Variants in KNSTRN observed in about 807,000 individuals in gnomAD.
KNSTRN encodes the protein kinetochore localized astrin (SPAG5) binding protein, also known as small kinetochore-associated protein.
In KNSTRN, 38 loss-of-function variants were observed where a neutral mutation model predicts 44.7. The ratio of observed to expected loss-of-function variants is 0.85; its 90% CI spans 0.66 to 1.11. The LOEUF (loss-of-function observed/expected upper bound fraction) is 1.11. Ranked by LOEUF, KNSTRN falls within the 50% of genes most tolerant of loss-of-function variation. The probability of loss-of-function intolerance (pLI) is 0.00; values close to 1 mark genes in which losing one functional copy is unlikely to be tolerated. For missense variants in KNSTRN, 406 were observed against 375.8 expected (o/e 1.08, Z -0.66); for synonymous variants, 158 against 148.1 (o/e 1.07, Z -0.48).
At chr15:40,393,289 G>T (rs1006120600) in intron 8 of KNSTRN, 180 bp from the exon 9 acceptor site, 1 of 1,611,478 alleles carries the variant, frequency 6.2e-7, no homozygotes, top group Non-Finnish European at 8.5e-7. Context: ...CTACTAGAGG[G>T]ACAATTCCTA....
At chr15:40,391,631 A>G (rs1355691508) in intron 7 of KNSTRN, 77 bp downstream of exon 7, 4 of 1,202,800 alleles carry the variant, frequency 3.3e-6, no homozygotes, top group African/African-American at 3.0e-5. Context: ...TCTCTGCTAT[A>G]TATTCCATAA....
chr15:40,391,853 T>A lies in KNSTRN; in HGVS notation c.748-96T>A, dbSNP rs1398500629. ...TTTATCAAATTTCTCTCCTGACTCC[T>A]TTGTTGAGAACTGTGTGGAAAGGAT... On this transcript the variant is annotated intron_variant, in intron 7 of 8. Coordinates refer to ENST00000249776, the MANE Select transcript of KNSTRN (RefSeq NM_033286.4). 8.4e-6 allele frequency: 8 copies of A among 947,108 alleles called. No individual in the cohort carries two copies. The Admixed American group carries it at 1.9e-4, about 23-fold the overall frequency. The allele number at this position is 947,108 out of a possible 1,614,324, so 58.7% of individuals were successfully genotyped here.
At chr15:40,389,718 A>C in intron 5 of KNSTRN, 107 bp downstream of exon 5, 3 of 1,306,480 alleles carry the variant, frequency 2.3e-6, no homozygotes, top group Non-Finnish European at 2.2e-6. Flanking sequence ...ACAGATGCCC[A>C]AGGGCAGAAA....
intron 8 of KNSTRN, among the ~76,000 whole-genome samples, chr15:40,392,229 G>A (rs1217947078): frequency 1.3e-5 from 2 of 151,088 alleles, no homozygotes; most frequent in Non-Finnish European, 2.9e-5. Context: ...ACACGTACAG[G>A]GTGTGTAGGC....
At chr15:40,387,876 C>T (rs192560073) in intron 4 of KNSTRN, among the ~76,000 whole-genome samples, 5 of 152,132 alleles carry the variant, frequency 3.3e-5, no homozygotes, top group Non-Finnish European at 5.9e-5. Flanking sequence ...GGCATGGTGG[C>T]GCATGTCTGT....
intron 4 of KNSTRN, 175 bp from the exon 5 acceptor site, chr15:40,389,331 G>A: frequency 1.8e-6 from 1 of 565,694 alleles, no homozygotes; most frequent in Non-Finnish European, 3.2e-6. Flanking sequence ...TGTAATTTTA[G>A]TAGAGACAGG....
At position 40,390,881 on chromosome 15, in the gene KNSTRN, C is replaced by T. The variant is rs150595062; in HGVS notation, c.686-612C>T. Among the ~76,000 whole-genome samples the T allele has an allele frequency of 9.0e-3, 1,373 of 152,282 alleles. 14 individuals are homozygous for T. The highest frequency in any genetic ancestry group is 0.032 in the African/African-American group (1,317 of 41,554). On this transcript the variant is annotated intron_variant, in intron 6 of 8. Transcript: ENST00000249776. ...CTGCCTGTCTCGGCCTCCCAGAGTG[C>T]TGGGTTTACAGACATGAGTTACCAT...
In KNSTRN at chr15:40,383,246, C is replaced by T. The variant is rs745899073; in HGVS notation, c.228C>T (p.Leu76=). The T allele has an allele frequency of 6.2e-7, 1 of 1,614,070 alleles. No individual in the cohort carries two copies. The highest frequency in any genetic ancestry group is 8.5e-7 in the Non-Finnish European group (1 of 1,179,926). Residue 76 remains leucine (L), a synonymous_variant, in exon 2 of 9, where the codon CTC becomes CTT. Transcript: ENST00000249776. The part of the protein sequence containing the change: ...RRAPGVQPCR[L]VTMTSVVKTV... ...CTTCCAGGGTTCAGCCGTGCCGCCT[C>T]GTTACGATGACCAGTGTGGTTAAGA...
At position 40,382,789 on chromosome 15, in the gene KNSTRN, C is replaced by G. The variant is rs1182650705; in HGVS notation, c.-47C>G. The G allele has an allele frequency of 1.3e-6, 2 of 1,559,654 alleles. No homozygotes were observed. Among genetic ancestry groups the G allele is most frequent in the Non-Finnish European group, 1.7e-6 (2 of 1,146,200 alleles). ...TGCCCAGACCTGGGGGCTCCAACAC[C>G]TTTCGCTAGGTCTGGCTCTGGCCTC... is the stretch of plus-strand genomic sequence containing the variant. On this transcript the variant is annotated 5_prime_UTR_variant, in exon 1 of 9. Transcript: ENST00000249776.
intron 6 of KNSTRN, among the ~76,000 whole-genome samples, chr15:40,390,832 C>T (rs1048175874): frequency 1.3e-5 from 2 of 152,172 alleles, no homozygotes; most frequent in Admixed American, 6.5e-5. Context: ...TCAGGCTGGT[C>T]TCAAACTCCT....
In KNSTRN at chr15:40,384,416, C is replaced by T. The variant is rs1320962360; in HGVS notation, c.304+1094C>T. On this transcript the variant is annotated intron_variant, in intron 2 of 8. Coordinates refer to ENST00000249776, the MANE Select transcript of KNSTRN (RefSeq NM_033286.4). ...GCTCTGAAGTAAATAGGCTTTTCTC[C>T]AAAGGCTTAATGGGTTGTTTGTTGT... 3 of 452,208 alleles carry T rather than the reference C, an allele frequency of 6.6e-6. No homozygotes were observed. The Admixed American group carries it at 7.2e-5, about 11-fold the overall frequency. The allele number at this position is 452,208 out of a possible 1,614,324, so 28.0% of individuals were successfully genotyped here.
intron 6 of KNSTRN, among the ~76,000 whole-genome samples, chr15:40,390,230 C>T (rs1045517325): frequency 6.6e-6 from 1 of 152,322 alleles, no homozygotes; most frequent in South Asian, 2.1e-4. Context: ...TTGTTCCTTT[C>T]AAGGGAGAAC....
At chr15:40,391,418 C>A in intron 6 of KNSTRN, 75 bp from the exon 7 acceptor site, 1 of 1,160,842 alleles carries the variant, frequency 8.6e-7, no homozygotes, top group Non-Finnish European at 1.3e-6. Context: ...TGTACTTGTC[C>A]ACGGAGGGTT....
chr15:40,393,801 C>G lies in KNSTRN; in HGVS notation c.*204C>G. 4.7e-6 allele frequency: 2 copies of G among 423,154 alleles called. No individual in the cohort carries two copies. The highest frequency in any genetic ancestry group is 8.5e-6 in the Non-Finnish European group (2 of 236,028). 26.2% of individuals were successfully genotyped at this position (423,154 alleles called of 1,614,324 possible). On this transcript the variant is annotated 3_prime_UTR_variant, in exon 9 of 9. Coordinates refer to ENST00000249776, the MANE Select transcript of KNSTRN (RefSeq NM_033286.4). Reference sequence around the variant, plus strand: ...CCCAACCTTCAGGTTGGTCAGCCCTCCTGAGCCTCACAGGTGGATAATTGA... The same window carrying G: ...CCCAACCTTCAGGTTGGTCAGCCCTGCTGAGCCTCACAGGTGGATAATTGA...
rs761530012 is a variant in KNSTRN at position 40,389,884 on chromosome 15, C to G, written c.640C>G (p.Arg214Gly). Residue 214 changes from arginine (R) to glycine (G), a missense_variant, in exon 6 of 9, where the codon CGG becomes GGG. Coordinates refer to ENST00000249776, the MANE Select transcript of KNSTRN (RefSeq NM_033286.4). ...GAAGGTAGAGCTGCTGGAGAAGTTT[C>G]GGGACAACTGTTTGGCAATTTTGGA... ...TQKVELLEKF[R>G]DNCLAILESK... is the part of the protein sequence containing the mutation. 1 of 1,614,166 alleles carries G rather than the reference C, an allele frequency of 6.2e-7. No individual in the cohort carries two copies. Among genetic ancestry groups the G allele is most frequent in the South Asian group, 1.1e-5 (1 of 91,074 alleles).
At chr15:40,387,119 T>G in intron 3 of KNSTRN, 40 bp from the exon 4 acceptor site, 2 of 1,482,534 alleles carry the variant, frequency 1.3e-6, no homozygotes, top group Non-Finnish European at 1.9e-6. Flanking sequence ...TTAACAGTAC[T>G]GTAAGTCTCT....
At chr15:40,393,158 A>G (rs1890030728) in intron 8 of KNSTRN, 5 of 1,609,982 alleles carry the variant, frequency 3.1e-6, no homozygotes, top group Non-Finnish European at 3.4e-6. Flanking sequence ...GAAGACCTGT[A>G]GTAAGCACAG....
intron 3 of KNSTRN, 43 bp from the exon 4 acceptor site, chr15:40,387,116 T>C: frequency 6.9e-7 from 1 of 1,439,876 alleles, no homozygotes; most frequent in Non-Finnish European, 9.8e-7. Context: ...CACTTAACAG[T>C]ACTGTAAGTC....
Position 40,383,215 on chromosome 15 carries a change from C to T in KNSTRN, c.210-13C>T. 3 of 1,612,592 alleles carry T rather than the reference C, an allele frequency of 1.9e-6. No homozygotes were observed. The highest frequency in any genetic ancestry group is 2.5e-6 in the Non-Finnish European group (3 of 1,178,638). On this transcript the variant is annotated splice_polypyrimidine_tract_variant and intron_variant, in intron 1 of 8. Transcript: ENST00000249776. ...GGCCCAGCGCTGGGTAACATTCATC[C>T]TGTACCTTCCAGGGTTCAGCCGTGC...
Sources: gnomAD v4.1 joint callset for allele counts (sites outside exome capture counted in the v4.1 genomes callset) on GRCh38, gnomAD v4.1.1 for gene constraint, MANE v1.5 for transcripts, NCBI Gene and HGNC (gene_info 2026-07-23, HGNC 2026-07-21) for gene names.